SND1: variants seen among roughly 807,000 people sequenced by gnomAD.
SND1 encodes the protein staphylococcal nuclease and tudor domain containing 1, also known as staphylococcal nuclease domain-containing protein 1.
SND1 carries 38 observed loss-of-function variants against 121.7 expected under a neutral mutation model. That is an observed-to-expected ratio of 0.31 (90% CI 0.24 to 0.41). The LOEUF (loss-of-function observed/expected upper bound fraction) is 0.41, where lower values mean the gene tolerates loss of function less well. SND1 is among the 10% of genes least tolerant of loss of function. SND1 has a pLI of 1.00. For synonymous variants in SND1, 401 were observed against 447.4 expected, an observed-to-expected ratio of 0.90 and a Z score of 1.31; for missense variants, 868 against 1,184.6, an observed-to-expected ratio of 0.73 and a Z score of 3.92.
chr7:127,853,049 A>G (rs1799201718), intron 12 of SND1, among the ~76,000 whole-genome samples: 1 of 152,158 alleles, frequency 6.6e-6, no homozygotes, highest in Non-Finnish European at 1.5e-5. Context: ...GCGAGTAGGG[A>G]GGCAGGTAGT....
intron 1 of SND1, among the ~76,000 whole-genome samples, chr7:127,684,387 T>C (rs1795778507): frequency 6.6e-6 from 1 of 152,252 alleles, no homozygotes. Context: ...GTAGTTTGGC[T>C]GTCCTCAGCC....
intron 15 of SND1, among the ~76,000 whole-genome samples, chr7:127,960,272 C>CAGAT (rs1475692585): frequency 6.6e-6 from 1 of 152,218 alleles, no homozygotes. Flanking sequence ...GTACCTAAGA[C>CAGAT]AGATAGTAAG....
intron 13 of SND1, among the ~76,000 whole-genome samples, chr7:127,902,743 G>C (rs886825885): frequency 3.3e-5 from 5 of 151,486 alleles, no homozygotes; most frequent in African/African-American, 1.2e-4. Context: ...TTGAGACAAA[G>C]TCTTGCTCTT....
chr7:128,021,415 C>T (rs560045920), intron 16 of SND1, among the ~76,000 whole-genome samples: 1 of 152,314 alleles, frequency 6.6e-6, no homozygotes, highest in African/African-American at 2.4e-5. Flanking sequence ...GGAGAGCTGC[C>T]TATAACTCAT....
chr7:127,733,732 T>C (rs953515790), intron 10 of SND1, among the ~76,000 whole-genome samples: 30 of 152,312 alleles, frequency 2.0e-4, no homozygotes, highest in Middle Eastern at 3.4e-3. Flanking sequence ...GTTGATGCCA[T>C]ATATTTTGAT....
At chr7:127,811,631 CAG>C (rs2116584267) in intron 11 of SND1, among the ~76,000 whole-genome samples, 1 of 152,248 alleles carries the variant, frequency 6.6e-6, no homozygotes, top group Non-Finnish European at 1.5e-5. Flanking sequence ...CCACAAGAAT[CAG>C]GGTGTTAGAC....
At chr7:127,780,272 G>A (rs183571622) in intron 10 of SND1, among the ~76,000 whole-genome samples, 37 of 152,364 alleles carry the variant, frequency 2.4e-4, no homozygotes, top group Non-Finnish European at 3.2e-4. Context: ...ACTGACTAAA[G>A]TATGGTAGCT....
chr7:127,698,813 G>A (rs929615366), intron 3 of SND1, 62 bp from the exon 4 acceptor site: 1 of 1,343,934 alleles, frequency 7.4e-7, no homozygotes, highest in Non-Finnish European at 1.1e-6. Context: ...TCCCATTTGG[G>A]CTCTGTTGCT....
At chr7:127,864,624 C>T (rs1799434931) in intron 12 of SND1, among the ~76,000 whole-genome samples, 1 of 152,102 alleles carries the variant, frequency 6.6e-6, no homozygotes, top group Non-Finnish European at 1.5e-5. Context: ...GTCTTTCTCC[C>T]TTTTTTCATT....
At chr7:127,832,491 G>A (rs975239576) in intron 11 of SND1, among the ~76,000 whole-genome samples, 3 of 152,208 alleles carry the variant, frequency 2.0e-5, no homozygotes, top group African/African-American at 7.2e-5. Flanking sequence ...GAAAATGATG[G>A]TGAATGCACT....
chr7:127,756,347 A>T (rs1375629302), intron 10 of SND1, among the ~76,000 whole-genome samples: 1 of 152,190 alleles, frequency 6.6e-6, no homozygotes, highest in African/African-American at 2.4e-5. Flanking sequence ...TTGATTAGCT[A>T]TGTTTATGAA....
At chr7:128,041,472 C>G (rs1792853557) in intron 16 of SND1, among the ~76,000 whole-genome samples, 1 of 152,118 alleles carries the variant, frequency 6.6e-6, no homozygotes, top group Non-Finnish European at 1.5e-5. Flanking sequence ...GGAGTTAGAT[C>G]TATCAAGCCT....
intron 10 of SND1, among the ~76,000 whole-genome samples, chr7:127,741,713 G>C (rs1409409285): frequency 1.3e-5 from 2 of 152,054 alleles, no homozygotes; most frequent in African/African-American, 2.4e-5. Flanking sequence ...ACTTTAAAAG[G>C]CCCACTTGTT....
intron 10 of SND1, among the ~76,000 whole-genome samples, 189 bp from the exon 11 acceptor site, chr7:127,807,292 GAAA>G (rs1798254314): frequency 6.6e-6 from 1 of 152,192 alleles, no homozygotes; most frequent in South Asian, 2.1e-4. Context: ...CCTGTTATGT[GAAA>G]AAGGTAGCCC....
intron 1 of SND1, among the ~76,000 whole-genome samples, chr7:127,653,627 A>G (rs897060583): frequency 6.6e-6 from 1 of 152,188 alleles, no homozygotes; most frequent in Non-Finnish European, 1.5e-5. Context: ...TGGGCAACAT[A>G]GCAAGACCCA....
intron 1 of SND1, among the ~76,000 whole-genome samples, chr7:127,663,778 T>C (rs1795361387): frequency 6.6e-6 from 1 of 152,206 alleles, no homozygotes; most frequent in African/African-American, 2.4e-5. Context: ...GTTTTTAATC[T>C]GCTTTCTCTG....
chr7:127,797,567 G>T (rs923627462), intron 10 of SND1, among the ~76,000 whole-genome samples: 2 of 152,196 alleles, frequency 1.3e-5, no homozygotes, highest in African/African-American at 4.8e-5. Flanking sequence ...GGAAATGTTT[G>T]TGTCCGGTTA....
chr7:127,652,503 C>T (rs1183736412), intron 1 of SND1, 52 bp downstream of exon 1: 20 of 1,418,540 alleles, frequency 1.4e-5, no homozygotes, highest in Non-Finnish European at 1.9e-5. Flanking sequence ...GGGCGGGAGT[C>T]AGGCATTGAC....
At chr7:127,670,846 A>C (rs1043450903) in intron 1 of SND1, among the ~76,000 whole-genome samples, 6 of 152,116 alleles carry the variant, frequency 3.9e-5, no homozygotes, top group Non-Finnish European at 8.8e-5. Flanking sequence ...AAAAAAAAAA[A>C]AACCATGAGA....
Sources: gnomAD v4.1 joint callset for allele counts (sites outside exome capture counted in the v4.1 genomes callset) on GRCh38, gnomAD v4.1.1 for gene constraint, MANE v1.5 for transcripts, NCBI Gene and HGNC (gene_info 2026-07-23, HGNC 2026-07-21) for gene names.